The following PRDM16 variants were observed in gnomAD, a reference collection of about 807,000 sequenced individuals.
The protein encoded by PRDM16 is PR/SET domain 16.
A neutral mutation model predicts 110.6 loss-of-function variants in PRDM16; 23 were observed. That is an observed-to-expected ratio of 0.21 (90% CI 0.15 to 0.29). The LOEUF is 0.29. PRDM16 is among the 10% of genes least tolerant of loss of function. The probability of loss-of-function intolerance (pLI) is 1.00; values close to 1 mark genes in which losing one functional copy is unlikely to be tolerated. For synonymous variants in PRDM16, 799 were observed against 781.8 expected, an observed-to-expected ratio of 1.02 and a Z score of -0.37; for missense variants, 1,615 against 1,794.3, an observed-to-expected ratio of 0.90 and a Z score of 1.81.
intron 2 of PRDM16, among the ~76,000 whole-genome samples, chr1:3,205,397 G>A (rs1300880560): frequency 6.6e-6 from 1 of 152,110 alleles, no homozygotes; most frequent in Non-Finnish European, 1.5e-5. Flanking sequence ...TGTGTGGCCA[G>A]CTGCATAGGA....
chr1:3,397,635 C>T (rs961213744), intron 5 of PRDM16, among the ~76,000 whole-genome samples: 35 of 152,266 alleles, frequency 2.3e-4, no homozygotes, highest in Admixed American at 9.8e-4. Flanking sequence ...CGCAAGCTCC[C>T]TCCTGGCCGT....
intron 1 of PRDM16, among the ~76,000 whole-genome samples, chr1:3,129,042 T>C (rs370020231): frequency 1.3e-5 from 2 of 152,034 alleles, no homozygotes; most frequent in African/African-American, 4.8e-5. Context: ...CAGGAGGGAG[T>C]CTGGTGCATG....
intron 1 of PRDM16, among the ~76,000 whole-genome samples, chr1:3,073,664 C>T (rs1048415698): frequency 1.3e-5 from 2 of 152,064 alleles, no homozygotes; most frequent in African/African-American, 2.4e-5. Context: ...GGTCGGGGAG[C>T]GGGGCCTGGG....
intron 1 of PRDM16, among the ~76,000 whole-genome samples, chr1:3,107,690 C>CAG (rs1315132264): frequency 9.5e-4 from 144 of 152,336 alleles, no homozygotes; most frequent in African/African-American, 3.3e-3. Context: ...GTCCTCCTCA[C>CAG]TGGACCAGTG....
chr1:3,230,940 G>T (rs1020996314), intron 2 of PRDM16, among the ~76,000 whole-genome samples: 1 of 152,122 alleles, frequency 6.6e-6, no homozygotes, highest in Non-Finnish European at 1.5e-5. Flanking sequence ...ACCTCTGCTC[G>T]TGGAAGCCTC....
chr1:3,398,253 C>G (rs1409250009), intron 5 of PRDM16, among the ~76,000 whole-genome samples: 1 of 152,150 alleles, frequency 6.6e-6, no homozygotes, highest in African/African-American at 2.4e-5. Flanking sequence ...GCTCCCCACC[C>G]CGCTCCAGCC....
At chr1:3,360,250 T>C (rs748702332) in intron 3 of PRDM16, among the ~76,000 whole-genome samples, 75 of 152,158 alleles carry the variant, frequency 4.9e-4, no homozygotes, top group Non-Finnish European at 9.4e-4. Flanking sequence ...ACCAGTCCCC[T>C]CTAGAAGCAG....
chr1:3,392,227 C>A (rs1338188114), intron 4 of PRDM16, among the ~76,000 whole-genome samples: 2 of 152,198 alleles, frequency 1.3e-5, no homozygotes, highest in Admixed American at 1.3e-4. Flanking sequence ...GTGAGAAAAG[C>A]CTCTTGCACA....
chr1:3,305,312 T>G (rs1421080860), intron 3 of PRDM16, among the ~76,000 whole-genome samples: 3 of 152,164 alleles, frequency 2.0e-5, no homozygotes, highest in Non-Finnish European at 4.4e-5. Flanking sequence ...GTCCGGCACA[T>G]GCAGGGACCT....
intron 3 of PRDM16, among the ~76,000 whole-genome samples, chr1:3,284,145 T>G (rs986640278): frequency 5.9e-5 from 9 of 152,088 alleles, no homozygotes; most frequent in Non-Finnish European, 1.2e-4. Flanking sequence ...GAAGCTGGGG[T>G]GGAGGCGCCC....
At chr1:3,224,755 C>G (rs1003867242) in intron 2 of PRDM16, among the ~76,000 whole-genome samples, 2 of 152,222 alleles carry the variant, frequency 1.3e-5, no homozygotes, top group Non-Finnish European at 2.9e-5. Flanking sequence ...CAGGGGGAAC[C>G]CCTACTGTGA....
At chr1:3,181,193 CGGTCTT>C (rs1644164092) in intron 1 of PRDM16, among the ~76,000 whole-genome samples, 59 of 128,094 alleles carry the variant, frequency 4.6e-4, no homozygotes, top group Non-Finnish European at 6.7e-4. Context: ...CGCAGTCTTA[CGGTCTT>C]ACACACGGTC....
In PRDM16 at chr1:3,350,588, G is replaced by A. The variant is rs1385976495; in HGVS notation, c.439-34564G>A. On this transcript the variant is annotated intron_variant, in intron 3 of 16. Coordinates refer to ENST00000270722, the MANE Select transcript of PRDM16 (RefSeq NM_022114.4). The surrounding 1 kb of genome is among the most constrained non-coding windows in gnomAD (Gnocchi z 7.1). ...ACCAGGGTGGCAGGCAGCTGTGGGC[G>A]GGTGGAAAGCAGAGCTGGGAGCCAG... Among the ~76,000 whole-genome samples, 3 of 152,208 alleles carry A rather than the reference G, an allele frequency of 2.0e-5. No individual in the cohort carries two copies. The highest frequency in any genetic ancestry group is 1.9e-4 in the East Asian group (1 of 5,148).
chr1:3,123,236 C>T (rs1643133574), intron 1 of PRDM16, among the ~76,000 whole-genome samples: 1 of 152,226 alleles, frequency 6.6e-6, no homozygotes, highest in Non-Finnish European at 1.5e-5. Context: ...GCCTTGGTAT[C>T]AGGTTCCCAG....
At chr1:3,273,438 ATG>A (rs61465980) in intron 3 of PRDM16, among the ~76,000 whole-genome samples, 1 of 151,672 alleles carries the variant, frequency 6.6e-6, no homozygotes, top group Non-Finnish European at 1.5e-5. Context: ...GTGCGTGCAC[ATG>A]TGTGTGTGTG....
At chr1:3,314,071 C>CGGGG (rs747479644) in intron 3 of PRDM16, among the ~76,000 whole-genome samples, 50 of 100,428 alleles carry the variant, frequency 5.0e-4, no homozygotes, top group African/African-American at 2.5e-3. Context: ...CCTTCCCCAC[C>CGGGG]GGGGGGGGGG....
intron 3 of PRDM16, chr1:3,308,118 G>T (rs1255730422): frequency 3.9e-5 from 6 of 152,264 alleles, no homozygotes; most frequent in Admixed American, 1.3e-4. Context: ...TGGCTCTGTA[G>T]TCTGACTGGG....
At chr1:3,180,080 C>A (rs539472760) in intron 1 of PRDM16, among the ~76,000 whole-genome samples, 5 of 152,152 alleles carry the variant, frequency 3.3e-5, no homozygotes, top group African/African-American at 1.2e-4. Context: ...TTTCAGGGAA[C>A]TGCACAGCAA....
chr1:3,097,057 C>A (rs1323919600), intron 1 of PRDM16, among the ~76,000 whole-genome samples: 1 of 152,158 alleles, frequency 6.6e-6, no homozygotes. Flanking sequence ...CCTGGGGGAC[C>A]CTTTTGCTGG....
Sources: gnomAD v4.1 joint callset for allele counts (sites outside exome capture counted in the v4.1 genomes callset) on GRCh38, gnomAD v4.1.1 for gene constraint, Gnocchi (gnomAD v3.1) non-coding constraint, MANE v1.5 for transcripts, NCBI Gene and HGNC (gene_info 2026-07-23, HGNC 2026-07-21) for gene names.